The following NUP210L variants were observed in gnomAD, a reference collection of about 807,000 sequenced individuals.
The protein encoded by NUP210L is nuclear pore membrane glycoprotein 210-like.
Under a neutral mutation model 208.5 loss-of-function variants are expected in NUP210L, and 74 were observed. The ratio of observed to expected loss-of-function variants is 0.35; its 90% confidence interval spans 0.29 to 0.43. The LOEUF is 0.43. Ranked by LOEUF, NUP210L falls within the 20% of genes least tolerant of loss-of-function variation. The pLI is 1.00. For synonymous variants in NUP210L, 780 were observed against 816.9 expected (o/e 0.95, Z 0.77); for missense variants, 1,843 against 2,289.4 (o/e 0.81, Z 3.98).
chr1:153,995,912 GA>G, intron 37 of NUP210L: 1 of 531,956 alleles, frequency 1.9e-6, no homozygotes, highest in Non-Finnish European at 3.7e-6. Flanking sequence ...TCGAGGAGCA[GA>G]AAATTGTTGT....
chr1:154,094,726 G>A (rs1290444386), intron 15 of NUP210L, among the ~76,000 whole-genome samples: 3 of 152,172 alleles, frequency 2.0e-5, no homozygotes, highest in African/African-American at 7.2e-5. Flanking sequence ...TTCGTGAACT[G>A]CTGGAATTCT....
At position 154,155,079 on chromosome 1, in the gene NUP210L, C is replaced by G. The variant is rs756646493; in HGVS notation, c.-35G>C. 1.2e-5 allele frequency: 18 copies of G among 1,496,788 alleles called. No homozygotes were observed. In the Admixed American group the frequency reaches 3.3e-4, roughly 27 times the overall value. The allele number at this position is 1,496,788 out of a possible 1,614,324, so 92.7% of individuals were successfully genotyped here. ...CAGGTCTCGGGTTCCCGCTCAACTA[C>G]AGCCGGCTCACAGCTCCATCAGCCA... On this transcript the variant is annotated 5_prime_UTR_variant, in exon 1 of 40. Transcript: ENST00000368559.
chr1:154,066,839 T>C (rs1654447166), intron 17 of NUP210L, among the ~76,000 whole-genome samples: 1 of 152,098 alleles, frequency 6.6e-6, no homozygotes, highest in Non-Finnish European at 1.5e-5. Context: ...CTAGAAAATC[T>C]AGAAGAAATG....
chr1:154,148,019 G>C (rs1314477593), intron 2 of NUP210L, among the ~76,000 whole-genome samples: 1 of 146,330 alleles, frequency 6.8e-6, no homozygotes, highest in Non-Finnish European at 1.5e-5. Flanking sequence ...CAGCACTCTG[G>C]GGGGCCGAGG....
chr1:154,042,106 T>C (rs944487205), intron 27 of NUP210L, among the ~76,000 whole-genome samples: 4 of 150,200 alleles, frequency 2.7e-5, no homozygotes, highest in African/African-American at 9.8e-5. Context: ...CTCTCTCTCT[T>C]TTTTTTTTTC....
intron 28 of NUP210L, among the ~76,000 whole-genome samples, chr1:154,028,277 T>TTA: frequency 6.6e-6 from 1 of 152,292 alleles, no homozygotes; most frequent in South Asian, 2.1e-4. Flanking sequence ...TTATCCTAAC[T>TTA]GTGAATATAT....
intron 17 of NUP210L, among the ~76,000 whole-genome samples, chr1:154,065,279 T>C (rs1201951020): frequency 6.7e-6 from 1 of 150,164 alleles, no homozygotes; most frequent in Non-Finnish European, 1.5e-5. Context: ...AATTAGCTGC[T>C]CTTGGTGGCA....
chr1:154,091,071 GTTATTATTATTATTATTA>G (rs111324293), intron 15 of NUP210L, among the ~76,000 whole-genome samples: 15 of 140,820 alleles, frequency 1.1e-4, no homozygotes, highest in African/African-American at 2.6e-4. Context: ...TATTATTGCT[GTTATTATTATTATTATTA>G]TTATTATTAT....
chr1:154,019,363 G>A (rs1249396920), intron 32 of NUP210L, among the ~76,000 whole-genome samples: 1 of 152,156 alleles, frequency 6.6e-6, no homozygotes, highest in East Asian at 1.9e-4. Flanking sequence ...ATTTTGTTTA[G>A]AAGCTACTAA....
intron 5 of NUP210L, among the ~76,000 whole-genome samples, chr1:154,138,976 T>C (rs1658694987): frequency 6.6e-6 from 1 of 152,188 alleles, no homozygotes. Context: ...TTTACTTGAC[T>C]AGAAATTAGG....
At chr1:154,063,174 T>C (rs1654227810) in intron 17 of NUP210L, among the ~76,000 whole-genome samples, 1 of 152,166 alleles carries the variant, frequency 6.6e-6, no homozygotes. Context: ...AGTGCTATTA[T>C]AGAAGTACGT....
intron 9 of NUP210L, among the ~76,000 whole-genome samples, chr1:154,126,798 T>C (rs1279823374): frequency 6.6e-6 from 1 of 152,112 alleles, no homozygotes; most frequent in Non-Finnish European, 1.5e-5. Flanking sequence ...ACATCTGATA[T>C]TCATATTACT....
intron 17 of NUP210L, among the ~76,000 whole-genome samples, chr1:154,065,241 G>A (rs1654345296): frequency 6.6e-6 from 1 of 151,862 alleles, no homozygotes; most frequent in African/African-American, 2.4e-5. Context: ...GCAACATAGT[G>A]AGAACCTGTC....
intron 10 of NUP210L, 26 bp downstream of exon 10, chr1:154,126,297 A>G: frequency 1.2e-6 from 2 of 1,601,806 alleles, no homozygotes; most frequent in Non-Finnish European, 1.7e-6. Flanking sequence ...TTCTTAGAAT[A>G]CAAACACTGT....
chr1:154,118,848 G>A, intron 10 of NUP210L, 40 bp from the exon 11 acceptor site: 1 of 1,315,598 alleles, frequency 7.6e-7, no homozygotes, highest in Admixed American at 1.9e-5. Flanking sequence ...ATATTTATAA[G>A]GACTATTCTT....
chr1:154,099,446 G>A (rs944224229), intron 14 of NUP210L, among the ~76,000 whole-genome samples: 1 of 152,282 alleles, frequency 6.6e-6, no homozygotes, highest in South Asian at 2.1e-4. Context: ...AGCTGCTCCA[G>A]ACAGGCTGCC....
At position 154,129,260 on chromosome 1, in the gene NUP210L, AGTAT is replaced by A. The variant is rs765774993; in HGVS notation, c.1078+13_1078+16del. On this transcript the variant is annotated intron_variant, in intron 8 of 39. Transcript: ENST00000368559. ...ATTTAAGCTATCCACCTTTCTGAAA[AGTAT>A]GATCTAAAATACCTAAAAATCCAGG... The A allele has an allele frequency of 1.3e-5, 20 of 1,521,212 alleles. No homozygotes were observed. The South Asian group carries it at 2.2e-4, about 17-fold the overall frequency. The allele number at this position is 1,521,212 out of a possible 1,614,324, so 94.2% of individuals were successfully genotyped here.
intron 14 of NUP210L, among the ~76,000 whole-genome samples, 194 bp downstream of exon 14, chr1:154,099,804 C>A (rs143862457): frequency 6.6e-6 from 1 of 152,146 alleles, no homozygotes; most frequent in Non-Finnish European, 1.5e-5. Context: ...GTGACAGAAG[C>A]ATGAGGGAGT....
chr1:154,027,080 C>CAAAAAAAAAAAAAAAAAA (rs59626984), intron 29 of NUP210L, among the ~76,000 whole-genome samples: 5 of 101,746 alleles, frequency 4.9e-5, no homozygotes, highest in African/African-American at 1.3e-4. Context: ...GAGACTGTCT[C>CAAAAAAAAAAAAAAAAAA]AAAAAAAAAA....
Sources: gnomAD v4.1 joint callset for allele counts (sites outside exome capture counted in the v4.1 genomes callset) on GRCh38, gnomAD v4.1.1 for gene constraint, MANE v1.5 for transcripts, NCBI Gene and HGNC (gene_info 2026-07-23, HGNC 2026-07-21) for gene names.